SUGCT: variants seen among roughly 807,000 people sequenced by gnomAD.
SUGCT encodes succinyl-CoA:glutarate CoA-transferase.
SUGCT carries 41 observed loss-of-function variants against 55.0 expected under a neutral mutation model. That is an observed-to-expected ratio of 0.74 (90% CI 0.58 to 0.97). SUGCT has a LOEUF of 0.97. Among genes scored for constraint, SUGCT ranks in the 50% least tolerant of loss-of-function variants. The pLI, the probability that SUGCT is intolerant of heterozygous loss-of-function variation, is 0.00. For missense variants in SUGCT, 568 were observed against 547.8 expected (o/e 1.04, Z -0.37); for synonymous variants, 187 against 200.4 (o/e 0.93, Z 0.56).
intron 9 of SUGCT, among the ~76,000 whole-genome samples, chr7:40,363,407 G>T (rs1472956677): frequency 6.6e-6 from 1 of 151,838 alleles, no homozygotes; most frequent in East Asian, 1.9e-4. Context: ...GTGATGTTAC[G>T]GTGTCAATTT....
intron 13 of SUGCT, among the ~76,000 whole-genome samples, chr7:40,822,990 G>T (rs1417006737): frequency 6.6e-6 from 1 of 152,024 alleles, no homozygotes; most frequent in Non-Finnish European, 1.5e-5. Context: ...TGACTCCAAG[G>T]GCTGCTTATT....
At chr7:40,221,517 G>A (rs1370842958) in intron 6 of SUGCT, among the ~76,000 whole-genome samples, 2 of 134,890 alleles carry the variant, frequency 1.5e-5, no homozygotes, top group African/African-American at 5.6e-5. Flanking sequence ...TTTTGGCAGA[G>A]TTTCACTCTG....
At chr7:40,181,512 G>A (rs1785203745) in intron 2 of SUGCT, among the ~76,000 whole-genome samples, 2 of 152,056 alleles carry the variant, frequency 1.3e-5, no homozygotes, top group African/African-American at 2.4e-5. Context: ...TTGGGAGGCT[G>A]AGGCGGGCGG....
intron 13 of SUGCT, among the ~76,000 whole-genome samples, chr7:40,834,441 C>T (rs1013240630): frequency 1.3e-5 from 2 of 152,148 alleles, no homozygotes; most frequent in Admixed American, 6.5e-5. Context: ...GGACACACAA[C>T]GTTTCAATTA....
At chr7:40,473,231 A>G (rs575764918) in intron 11 of SUGCT, among the ~76,000 whole-genome samples, 34 of 152,302 alleles carry the variant, frequency 2.2e-4, no homozygotes, top group African/African-American at 8.2e-4. Context: ...TAAATCTTAC[A>G]TACTTATTTT....
chr7:40,472,550 C>T (rs868336613), intron 11 of SUGCT, among the ~76,000 whole-genome samples: 4 of 152,002 alleles, frequency 2.6e-5, no homozygotes, highest in Admixed American at 6.6e-5. Context: ...CTGTTTTCCA[C>T]GTTTTTTAAT....
At chr7:40,167,119 G>A (rs75916098) in intron 1 of SUGCT, among the ~76,000 whole-genome samples, 3,786 of 152,250 alleles carry the variant, frequency 0.025, 89 homozygotes, top group Middle Eastern at 0.051. Context: ...ATTCACTGTA[G>A]CCTAAAAACC....
chr7:40,343,578 A>T (rs1268166554), intron 9 of SUGCT, among the ~76,000 whole-genome samples: 1 of 151,880 alleles, frequency 6.6e-6, no homozygotes, highest in Admixed American at 6.6e-5. Context: ...ACTTGAAAAC[A>T]ATTATTTTTT....
At chr7:40,283,532 C>T (rs556486559) in intron 8 of SUGCT, among the ~76,000 whole-genome samples, 13 of 151,956 alleles carry the variant, frequency 8.6e-5, no homozygotes, top group African/African-American at 2.9e-4. Flanking sequence ...CCTGGCCAGA[C>T]GTTTCTTAAA....
At chr7:40,603,487 GT>G (rs917265218) in intron 12 of SUGCT, among the ~76,000 whole-genome samples, 3 of 152,138 alleles carry the variant, frequency 2.0e-5, no homozygotes, top group African/African-American at 7.2e-5. Flanking sequence ...TGTTCCATAA[GT>G]TTTTTTGTGT....
intron 12 of SUGCT, among the ~76,000 whole-genome samples, chr7:40,684,811 A>G (rs1329311837): frequency 6.6e-6 from 1 of 152,066 alleles, no homozygotes; most frequent in Non-Finnish European, 1.5e-5. Context: ...GTTGAGACAC[A>G]TAGTGTTTTA....
At chr7:40,748,652 GA>G (rs1241977278) in intron 12 of SUGCT, among the ~76,000 whole-genome samples, 1 of 151,428 alleles carries the variant, frequency 6.6e-6, no homozygotes, top group Non-Finnish European at 1.5e-5. Flanking sequence ...ATTTAATATA[GA>G]AAAATTTATT....
the SUGCT span, among the ~76,000 whole-genome samples, chr7:40,922,316 A>G: frequency 6.6e-6 from 1 of 152,184 alleles, no homozygotes; most frequent in African/African-American, 2.4e-5. Context: ...TGGTGGTAGG[A>G]GCACCAGCAC....
chr7:40,501,131 A>G (rs1262315569), intron 12 of SUGCT, among the ~76,000 whole-genome samples: 1 of 152,210 alleles, frequency 6.6e-6, no homozygotes, highest in Non-Finnish European at 1.5e-5. Context: ...GTCTGGAAAT[A>G]ATTCCTAGCA....
rs771918308 is a variant in SUGCT, at chr7:40,182,051, A to T, written c.226+23A>T. 9 of 1,359,898 alleles carry T rather than the reference A, an allele frequency of 6.6e-6. No individual in the cohort carries two copies. The East Asian group carries it at 2.2e-4, about 33-fold the overall frequency. The allele number at this position is 1,359,898 out of a possible 1,614,324, so 84.2% of individuals were successfully genotyped here. The stretch of plus-strand genomic sequence containing the variant: ...CAGGTAAAGCTATTACTCCCTTTAA[A>T]AAATAGAAACAAGCTAATAAATATT... On this transcript the variant is annotated intron_variant, in intron 3 of 13. Transcript: ENST00000335693.
At chr7:40,915,467 C>T in the SUGCT span, among the ~76,000 whole-genome samples, 1 of 152,066 alleles carries the variant, frequency 6.6e-6, no homozygotes, top group Non-Finnish European at 1.5e-5. Context: ...TAAGAAAACC[C>T]TGAGGTCTAA....
intron 9 of SUGCT, among the ~76,000 whole-genome samples, chr7:40,360,877 A>G (rs1798118249): frequency 6.6e-6 from 1 of 152,158 alleles, no homozygotes; most frequent in African/African-American, 2.4e-5. Context: ...GGAACAAGCA[A>G]AGATTGTGGG....
intron 12 of SUGCT, among the ~76,000 whole-genome samples, chr7:40,675,912 T>C (rs973483939): frequency 1.2e-4 from 19 of 152,146 alleles, no homozygotes; most frequent in Admixed American, 1.2e-3. Context: ...TGAACAAGTA[T>C]AGACAAGAAA....
the SUGCT span, among the ~76,000 whole-genome samples, chr7:41,038,455 C>T: frequency 5.3e-5 from 8 of 152,200 alleles, no homozygotes; most frequent in African/African-American, 1.2e-4. Flanking sequence ...CCTGTTTTTA[C>T]GTGGGACGTG....
Sources: gnomAD v4.1 joint callset for allele counts (sites outside exome capture counted in the v4.1 genomes callset) on GRCh38, gnomAD v4.1.1 for gene constraint, MANE v1.5 for transcripts, NCBI Gene and HGNC (gene_info 2026-07-23, HGNC 2026-07-21) for gene names.